Variants in CEP295 observed in about 807,000 individuals in gnomAD.
CEP295 encodes the protein centrosomal protein 295.
CEP295 carries 190 observed loss-of-function variants against 291.6 expected under a neutral mutation model. The observed-to-expected ratio is 0.65, with a 90% CI of 0.58 to 0.73. The LOEUF is 0.73. Ranked by LOEUF, CEP295 falls within the 30% of genes least tolerant of loss-of-function variation. CEP295 has a pLI of 0.00. For synonymous variants in CEP295, 993 were observed against 1,038.8 expected, an observed-to-expected ratio of 0.96 and a Z score of 0.85; for missense variants, 2,863 against 2,949.4, an observed-to-expected ratio of 0.97 and a Z score of 0.68.
At chr11:93,713,225 G>T (rs1953029019) in intron 18 of CEP295, among the ~76,000 whole-genome samples, 1 of 152,112 alleles carries the variant, frequency 6.6e-6, no homozygotes, top group African/African-American at 2.4e-5. Flanking sequence ...TTAAGTATGA[G>T]TAGTTTACAC....
intron 12 of CEP295, among the ~76,000 whole-genome samples, chr11:93,692,243 T>G (rs1371292275): frequency 6.6e-6 from 1 of 152,140 alleles, no homozygotes; most frequent in African/African-American, 2.4e-5. Context: ...ATTTTATATA[T>G]TTGTATAGAT....
At position 93,698,752 on chromosome 11, in the gene CEP295, T is replaced by TA. The variant is rs1591064868; in HGVS notation, c.3841dup (p.Thr1281AsnfsTer4). The TA allele has an allele frequency of 6.4e-7, 1 of 1,551,606 alleles. No homozygotes were observed. Among genetic ancestry groups the TA allele is most frequent in the Non-Finnish European group, 8.7e-7 (1 of 1,146,988 alleles). The stretch of plus-strand genomic sequence containing the variant: ...ATTTCAGCCAGAAAACCCAAGAAAA[T>TA]ACATCTTCTGAACAAACTGGTTCAT... On this transcript the variant is annotated frameshift_variant, in exon 15 of 30. Transcript: ENST00000325212. LOFTEE classifies it high-confidence loss of function.
At chr11:93,681,775 G>A (rs1028179343) in intron 7 of CEP295, among the ~76,000 whole-genome samples, 2 of 151,696 alleles carry the variant, frequency 1.3e-5, no homozygotes, top group Admixed American at 6.6e-5. Context: ...TGGAACTCCT[G>A]ACCTCAAACA....
rs375497114 is a variant in CEP295 at position 93,696,861 on chromosome 11, G to A, written c.1949G>A (p.Arg650Lys). The stretch of plus-strand genomic sequence containing the variant: ...TCAGAGCATTGGGATCAAGGTCAGA[G>A]ACTCAAGTTGAGTCCTAACAAATAC... ...AISEHWDQGQRLKLSPNKYQP... is the reference protein window; with the variant it reads ...AISEHWDQGQKLKLSPNKYQP... The change falls in exon 15 of 30, where the codon AGA (arginine) becomes AAA (lysine). Residue 650 changes from arginine (R) to lysine (K), a missense_variant. Transcript: ENST00000325212. 1.3e-5 allele frequency: 20 copies of A among 1,551,622 alleles called. No individual in the cohort carries two copies. In the East Asian group the frequency reaches 2.7e-4, roughly 21 times the overall value.
At position 93,695,502 on chromosome 11, in the gene CEP295, G is replaced by C. The variant is rs1190460495; in HGVS notation, c.1539G>C (p.Met513Ile). The change falls in exon 13 of 30, where the codon ATG becomes ATC. Residue 513 changes from methionine to isoleucine, a missense_variant. Around this residue, in one of 3 missense-constraint regions of CEP295, gnomAD observed 14 missense variants for 37.7 expected, o/e 0.37. Transcript: ENST00000325212. ...IRMSARQKQIMEIEEQKQKQL... is the reference protein window; with the variant it reads ...IRMSARQKQIIEIEEQKQKQL... ...AATAGTATTTTGTTACCTAGATAAT[G>C]GAAATAGAAGAGCAGAAGCAAAAGC... The C allele has an allele frequency of 1.4e-6, 2 of 1,448,068 alleles. No homozygotes were observed. Among genetic ancestry groups the C allele is most frequent in the Non-Finnish European group, 1.8e-6 (2 of 1,108,336 alleles). The allele number at this position is 1,448,068 out of a possible 1,614,324, so 89.7% of individuals were successfully genotyped here.
At position 93,702,806 on chromosome 11, in the gene CEP295, G is replaced by A; in HGVS notation, c.5483G>A (p.Arg1828Lys). The A allele has an allele frequency of 6.4e-7, 1 of 1,551,958 alleles. No homozygotes were observed. The highest frequency in any genetic ancestry group is 8.7e-7 in the Non-Finnish European group (1 of 1,147,040). Residue 1828 changes from arginine (R) to lysine (K), a missense_variant, in exon 17 of 30, where the codon AGA (arginine) becomes AAA (lysine). Arg to Lys is a conservative substitution (Grantham distance 26). Coordinates refer to ENST00000325212, the MANE Select transcript of CEP295 (RefSeq NM_033395.2). ...CATCTGGAGAAAGATCTGGGGAGAA[G>A]ATCCTCAAAGCCACCTGTAGCAAAA... ...GEHLEKDLGRRSSKPPVAKVK... is the reference protein window; with the variant it reads ...GEHLEKDLGRKSSKPPVAKVK...
intron 23 of CEP295, 98 bp downstream of exon 23, chr11:93,725,929 C>T (rs1954100408): frequency 2.3e-6 from 2 of 869,972 alleles, no homozygotes; most frequent in African/African-American, 1.7e-5. Flanking sequence ...TGTCTTCACC[C>T]CTGCTCTCAC....
At position 93,729,680 on chromosome 11, in the gene CEP295, C is replaced by A. The variant is rs1351313200; in HGVS notation, c.7466C>A (p.Ser2489Ter). The change falls in exon 27 of 30, where the codon TCA becomes TAA. Residue 2489 changes from serine to a stop codon, truncating the protein, a stop_gained. Transcript: ENST00000325212. LOFTEE classifies it high-confidence loss of function. Reference sequence around the variant, plus strand: ...GAAGCATTTATAAAGAGGAAAAAATCATTTATGGAGAGATCCCACCAGAGG... The same window carrying A: ...GAAGCATTTATAAAGAGGAAAAAATAATTTATGGAGAGATCCCACCAGAGG... ...LQEAFIKRKK[S>*]FMERSHQRQK... The A allele has an allele frequency of 6.4e-7, 1 of 1,550,590 alleles. No individual in the cohort carries two copies. The highest frequency in any genetic ancestry group is 2.0e-5 in the Admixed American group (1 of 50,892).
At chr11:93,690,688 C>T (rs577780948) in intron 10 of CEP295, among the ~76,000 whole-genome samples, 1 of 146,964 alleles carries the variant, frequency 6.8e-6, no homozygotes, top group South Asian at 2.2e-4. Context: ...TGAGATCGCA[C>T]CACTGCATTC....
chr11:93,696,682 G>A lies in CEP295; in HGVS notation c.1770G>A (p.Arg590=). 2 of 1,536,352 alleles carry A rather than the reference G, an allele frequency of 1.3e-6. No individual in the cohort carries two copies. The highest frequency in any genetic ancestry group is 1.8e-6 in the Non-Finnish European group (2 of 1,140,236). Residue 590 remains arginine, a splice_region_variant and synonymous_variant, in exon 15 of 30, where the codon AGG becomes AGA. Coordinates refer to ENST00000325212, the MANE Select transcript of CEP295 (RefSeq NM_033395.2). The stretch of plus-strand genomic sequence containing the variant: ...AATTGTTTGCTTTTGTTTTTGGTAG[G>A]TTACACAGGCAGTCTGTTGAAACAG... ...NYQHQLLQQN[R]LHRQSVETAR... is the part of the protein sequence containing the mutation.
Position 93,696,746 on chromosome 11 carries a change from G to A in CEP295, c.1834G>A (p.Gly612Arg), listed in dbSNP as rs753987383. ...ACTTGAATATCAAACTATGTTAAAA[G>A]GAAGGTGCCCATCGGTGTCAGCTCC... Reference protein sequence around the residue: ...QLLEYQTMLKGRCPSVSAPSL... With the variant: ...QLLEYQTMLKRRCPSVSAPSL... The change falls in exon 15 of 30, where the codon GGA becomes AGA. Residue 612 changes from glycine to arginine, a missense_variant. Coordinates refer to ENST00000325212, the MANE Select transcript of CEP295 (RefSeq NM_033395.2). The A allele has an allele frequency of 3.2e-6, 5 of 1,551,282 alleles. No individual in the cohort carries two copies. In the South Asian group the frequency reaches 3.6e-5, roughly 11 times the overall value.
Position 93,728,870 on chromosome 11 carries a change from TG to T in CEP295, c.7302+50del, listed in dbSNP as rs531653835. 48 of 1,475,352 alleles carry T rather than the reference TG, an allele frequency of 3.3e-5. No individual in the cohort carries two copies. The African/African-American group carries it at 5.2e-4, about 16-fold the overall frequency. The allele number at this position is 1,475,352 out of a possible 1,614,324, so 91.4% of individuals were successfully genotyped here. A position where few individuals can be genotyped will look rare whatever the true frequency, so the allele number is the denominator to read the frequency against. On this transcript the variant is annotated intron_variant, in intron 25 of 29. Coordinates refer to ENST00000325212, the MANE Select transcript of CEP295 (RefSeq NM_033395.2). ...TTTATTCTATTACAAGCAAACCAGT[TG>T]ATTTGTCTCTTACAACTTATCAGAA...
chr11:93,699,103 A>AC lies in CEP295; in HGVS notation c.4195dup (p.Leu1399ProfsTer13). 1 of 1,548,620 alleles carries AC rather than the reference A, an allele frequency of 6.5e-7. No homozygotes were observed. Among genetic ancestry groups the AC allele is most frequent in the Non-Finnish European group, 8.7e-7 (1 of 1,147,094 alleles). ...CCGAGCAGGTTGACACCTCTTCCTT[A>AC]CCCCTAGTACCACAGCATTCATTCG... is the stretch of plus-strand genomic sequence containing the variant. On this transcript the variant is annotated frameshift_variant, in exon 15 of 30. Transcript: ENST00000325212. LOFTEE classifies it high-confidence loss of function.
chr11:93,664,665 C>T (rs1297251356), intron 1 of CEP295, among the ~76,000 whole-genome samples: 1 of 152,138 alleles, frequency 6.6e-6, no homozygotes, highest in Non-Finnish European at 1.5e-5. Context: ...GGGCGAGACA[C>T]TGTTTTCAGG....
chr11:93,727,365 G>A lies in CEP295; in HGVS notation c.6889G>A (p.Gly2297Arg). The A allele has an allele frequency of 6.4e-7, 1 of 1,551,454 alleles. No homozygotes were observed. The highest frequency in any genetic ancestry group is 8.7e-7 in the Non-Finnish European group (1 of 1,146,920). ...RGVVTMLQSQGLIEDNKNETC... is the reference protein window; with the variant it reads ...RGVVTMLQSQRLIEDNKNETC... ...GGTTGTTACAATGTTACAAAGTCAA[G>A]GACTCATTGAAGATAATAAAAATGA... Residue 2297 changes from glycine to arginine, a missense_variant, in exon 24 of 30, where the codon GGA (glycine) becomes AGA (arginine). Physicochemically the swap from Gly to Arg is moderately radical, Grantham distance 125 (BLOSUM62 -2). This residue lies in a region of CEP295 where 2,295 missense variants were observed against 2,335.7 expected (regional missense o/e 0.98). Transcript: ENST00000325212.
In CEP295 at chr11:93,687,800, C is replaced by T; in HGVS notation, c.1271C>T (p.Ala424Val). The T allele has an allele frequency of 1.9e-6, 3 of 1,551,310 alleles. No individual in the cohort carries two copies. Among genetic ancestry groups the T allele is most frequent in the Non-Finnish European group, 2.6e-6 (3 of 1,146,740 alleles). Reference protein sequence around the residue: ...ITTVSEIESKAPTVESGTIAS... With the variant: ...ITTVSEIESKVPTVESGTIAS... ...ACTGTTAGTGAAATTGAGAGTAAAG[C>T]ACCAACGGTTGAGTCAGGAACAATT... Residue 424 changes from alanine to valine, a missense_variant, in exon 10 of 30, where the codon GCA becomes GTA. Ala to Val is a moderately conservative substitution (Grantham distance 64). This residue lies in a region of CEP295 where 554 missense variants were observed against 576.0 expected (regional missense o/e 0.96). Transcript: ENST00000325212.
At chr11:93,667,584 C>G (rs1233413211) in intron 2 of CEP295, 23 bp from the exon 3 acceptor site, 1 of 1,500,262 alleles carries the variant, frequency 6.7e-7, no homozygotes, top group South Asian at 1.3e-5. Context: ...TTTCATATAA[C>G]CTGTTAAATA....
chr11:93,682,841 C>T (rs927917767), intron 7 of CEP295, among the ~76,000 whole-genome samples: 3 of 152,134 alleles, frequency 2.0e-5, no homozygotes, highest in Non-Finnish European at 2.9e-5. Flanking sequence ...CATCTCCATA[C>T]TGTTGTGCTG....
At chr11:93,675,375 A>T (rs1950636986) in intron 5 of CEP295, among the ~76,000 whole-genome samples, 196 bp from the exon 6 acceptor site, 1 of 152,168 alleles carries the variant, frequency 6.6e-6, no homozygotes, top group East Asian at 1.9e-4. Context: ...ATGATTTGAA[A>T]TACTGATGAA....
Sources: allele counts gnomAD v4.1 joint callset (sites outside exome capture counted in the v4.1 genomes callset), GRCh38; gene constraint gnomAD v4.1.1; regional missense constraint gnomAD v4.1.1; transcripts MANE v1.5; gene names NCBI Gene and HGNC (gene_info 2026-07-23, HGNC 2026-07-21).